Variants in AOPEP observed in about 807,000 individuals in gnomAD.
AOPEP encodes aminopeptidase O (putative).
In AOPEP, 77 loss-of-function variants were observed where a neutral mutation model predicts 98.1. The ratio of observed to expected loss-of-function variants is 0.78; its 90% CI spans 0.65 to 0.95. The LOEUF is 0.95. Among genes scored for constraint, AOPEP ranks in the 40% least tolerant of loss-of-function variants. The probability of loss-of-function intolerance (pLI) is 0.00; values close to 1 mark genes in which losing one functional copy is unlikely to be tolerated. For synonymous variants in AOPEP, 346 were observed against 365.3 expected, an observed-to-expected ratio of 0.95 and a Z score of 0.60; for missense variants, 1,024 against 1,024.7, an observed-to-expected ratio of 1.00 and a Z score of 0.01.
chr9:95,080,927 C>CT, intron 15 of AOPEP, 147 bp downstream of exon 15: 1 of 647,066 alleles, frequency 1.5e-6, no homozygotes, highest in South Asian at 1.9e-5. Context: ...TTGCCTAACA[C>CT]TGATTTTTCT....
Position 94,760,533 on chromosome 9 carries a change from T to A in AOPEP, c.750T>A (p.Thr250=), listed in dbSNP as rs937147057. 2.5e-6 allele frequency: 4 copies of A among 1,580,418 alleles called. No individual in the cohort carries two copies. The African/African-American group carries it at 4.1e-5, about 16-fold the overall frequency. ...FPHAIRIWYK[T]KPEGRSVTWT... is the part of the protein sequence containing the mutation. ...ATGCTATCAGGATATGGTACAAAAC[T>A]AAACCTGAAGGGCGATCGGTTACAT... is the stretch of plus-strand genomic sequence containing the variant. Residue 250 remains threonine (T), a synonymous_variant, in exon 2 of 17, where the codon ACT becomes ACA. Coordinates refer to ENST00000375315, the MANE Select transcript of AOPEP (RefSeq NM_001193329.3).
intron 3 of AOPEP, among the ~76,000 whole-genome samples, chr9:94,786,514 G>C (rs536970526): frequency 6.6e-6 from 1 of 152,314 alleles, no homozygotes; most frequent in African/African-American, 2.4e-5. Flanking sequence ...TTCTGGGGCA[G>C]TATTTCCACC....
chr9:94,829,568 C>T (rs559652220), intron 5 of AOPEP, among the ~76,000 whole-genome samples: 6 of 152,304 alleles, frequency 3.9e-5, no homozygotes, highest in African/African-American at 9.6e-5. Flanking sequence ...TGCCAGGGTA[C>T]GGGGCAGTTT....
the AOPEP span, among the ~76,000 whole-genome samples, chr9:95,129,698 C>T: frequency 6.6e-6 from 1 of 152,230 alleles, no homozygotes; most frequent in Non-Finnish European, 1.5e-5. Context: ...ACAATTTCCA[C>T]AGGCAGATCA....
At chr9:94,887,942 T>C (rs1390663906) in intron 5 of AOPEP, among the ~76,000 whole-genome samples, 1 of 152,250 alleles carries the variant, frequency 6.6e-6, no homozygotes, top group Non-Finnish European at 1.5e-5. Flanking sequence ...GTGGGTTTTA[T>C]TGGGAAAGGA....
chr9:94,842,657 G>A (rs2042412205), intron 5 of AOPEP, among the ~76,000 whole-genome samples: 1 of 151,862 alleles, frequency 6.6e-6, no homozygotes, highest in African/African-American at 2.4e-5. Flanking sequence ...GATGTTTGAG[G>A]TTTCTTTGTG....
intron 1 of AOPEP, among the ~76,000 whole-genome samples, chr9:94,746,002 G>A (rs1360222699): frequency 6.6e-6 from 1 of 152,164 alleles, no homozygotes. Context: ...TACGACAGGG[G>A]TTCCCCTTTC....
At chr9:95,039,383 A>G (rs375225503) in intron 13 of AOPEP, among the ~76,000 whole-genome samples, 1 of 152,148 alleles carries the variant, frequency 6.6e-6, no homozygotes, top group African/African-American at 2.4e-5. Flanking sequence ...CCTGGGCAAC[A>G]TGGTGAAATC....
chr9:94,764,670 A>G (rs1267208371), intron 2 of AOPEP, among the ~76,000 whole-genome samples: 1 of 152,080 alleles, frequency 6.6e-6, no homozygotes, highest in East Asian at 1.9e-4. Flanking sequence ...AAATAAATAA[A>G]ATAAAAGTAA....
At chr9:95,031,050 G>C (rs1024832631) in intron 13 of AOPEP, among the ~76,000 whole-genome samples, 1 of 152,120 alleles carries the variant, frequency 6.6e-6, no homozygotes, top group East Asian at 1.9e-4. Flanking sequence ...TGGCTTTTCC[G>C]ACCCTTCTCT....
chr9:94,814,511 C>A (rs1040318859), intron 5 of AOPEP, among the ~76,000 whole-genome samples: 2 of 152,176 alleles, frequency 1.3e-5, no homozygotes, highest in African/African-American at 4.8e-5. Flanking sequence ...GGACTGCATA[C>A]AAGGATGTCA....
At chr9:94,938,768 C>T (rs2056642819) in intron 7 of AOPEP, among the ~76,000 whole-genome samples, 1 of 152,088 alleles carries the variant, frequency 6.6e-6, no homozygotes, top group Non-Finnish European at 1.5e-5. Flanking sequence ...CCAAGAATGA[C>T]ATAATGAAAG....
intron 5 of AOPEP, among the ~76,000 whole-genome samples, chr9:94,865,026 G>A (rs547522803): frequency 6.6e-6 from 1 of 152,060 alleles, no homozygotes; most frequent in African/African-American, 2.4e-5. Flanking sequence ...ACACACACTC[G>A]AGTAATTTTC....
chr9:94,746,228 A>G (rs1406285792), intron 1 of AOPEP, among the ~76,000 whole-genome samples: 2 of 152,096 alleles, frequency 1.3e-5, no homozygotes. Context: ...TTGGTTTTCC[A>G]TGTGACATTG....
intron 5 of AOPEP, among the ~76,000 whole-genome samples, chr9:94,873,117 GAAAAA>G (rs149738938): frequency 6.6e-6 from 1 of 151,220 alleles, no homozygotes; most frequent in Non-Finnish European, 1.5e-5. Flanking sequence ...GATATGAGGG[GAAAAA>G]AAACAGGGAG....
At chr9:94,730,752 C>T (rs892019987) in intron 1 of AOPEP, among the ~76,000 whole-genome samples, 1 of 152,102 alleles carries the variant, frequency 6.6e-6, no homozygotes, top group African/African-American at 2.4e-5. Flanking sequence ...TAGTTTTCAA[C>T]CTTAGTTTCT....
At chr9:94,931,527 G>A (rs1015410770) in intron 7 of AOPEP, among the ~76,000 whole-genome samples, 1 of 152,166 alleles carries the variant, frequency 6.6e-6, no homozygotes, top group African/African-American at 2.4e-5. Flanking sequence ...GAACCTGGAA[G>A]TTATTGAAAG....
chr9:94,897,363 C>T (rs1439205473), intron 5 of AOPEP, among the ~76,000 whole-genome samples: 1 of 151,860 alleles, frequency 6.6e-6, no homozygotes, highest in Non-Finnish European at 1.5e-5. Flanking sequence ...TTGAGACATC[C>T]GATTCACAAT....
At chr9:95,112,565 C>T in the AOPEP span, among the ~76,000 whole-genome samples, 1 of 152,226 alleles carries the variant, frequency 6.6e-6, no homozygotes, top group African/African-American at 2.4e-5. Flanking sequence ...CTGGAGGCCA[C>T]GTTGGCTGTG....
Sources: allele counts gnomAD v4.1 joint callset (sites outside exome capture counted in the v4.1 genomes callset), GRCh38; gene constraint gnomAD v4.1.1; transcripts MANE v1.5; gene names NCBI Gene and HGNC (gene_info 2026-07-23, HGNC 2026-07-21).